Variants in RNF115 observed in about 807,000 individuals in gnomAD.
RNF115 encodes ring finger protein 115, also known as E3 ubiquitin-protein ligase RNF115.
Under a neutral mutation model 39.2 loss-of-function variants are expected in RNF115, and 31 were observed. The observed-to-expected ratio is 0.79, with a 90% CI of 0.59 to 1.07. RNF115 has a LOEUF of 1.07. Among genes scored for constraint, RNF115 ranks in the 50% least tolerant of loss-of-function variants. The pLI is 0.00. For missense variants in RNF115, 384 were observed against 381.7 expected, an observed-to-expected ratio of 1.01 and a Z score of -0.05; for synonymous variants, 124 against 131.0, an observed-to-expected ratio of 0.95 and a Z score of 0.37.
At chr1:145,753,159 A>T (rs1384679843) in intron 4 of RNF115, 110 bp from the exon 5 acceptor site, 1 of 695,750 alleles carries the variant, frequency 1.4e-6, no homozygotes, top group African/African-American at 1.8e-5. Context: ...ATGGCTTTTC[A>T]TTGGCTAGTA....
chr1:145,794,256 C>T (rs1352079422), intron 1 of RNF115, among the ~76,000 whole-genome samples: 1 of 152,112 alleles, frequency 6.6e-6, no homozygotes, highest in African/African-American at 2.4e-5. Flanking sequence ...CATTACCCAG[C>T]TTAAAATATT....
intron 1 of RNF115, among the ~76,000 whole-genome samples, chr1:145,816,839 G>A (rs1209287838): frequency 8.1e-6 from 1 of 124,128 alleles, no homozygotes; most frequent in Non-Finnish European, 1.8e-5. Context: ...CACAACCATA[G>A]CTCACTGTAA....
intron 1 of RNF115, among the ~76,000 whole-genome samples, chr1:145,812,861 T>C (rs3121364): frequency 0.77 from 110,118 of 143,106 alleles, 42,021 homozygotes; most frequent in Middle Eastern, 0.85. Context: ...GCTCAAGTTA[T>C]CCACCCACCT....
Position 145,771,946 on chromosome 1 carries a change from T to A in RNF115, c.220-27A>T, listed in dbSNP as rs371258564. 5.9e-5 allele frequency: 93 copies of A among 1,583,594 alleles called. No homozygotes were observed. The Middle Eastern group carries it at 1.6e-3, about 27-fold the overall frequency. On this transcript the variant is annotated intron_variant, in intron 3 of 8. Transcript: ENST00000582693. ...TAGTAAAGACCAGAAATAAGTCACA[T>A]GTTAGAAAAATCAATCAATAAACAC... is the stretch of plus-strand genomic sequence containing the variant.
In RNF115 at chr1:145,820,742, G is replaced by A. The variant is rs1158161572; in HGVS notation, c.102+3030C>T. ...AGAGCGAGACTCAGTCTCAAAAAAA[G>A]AAAAAGGGAATATACTGTATATTTG... On this transcript the variant is annotated intron_variant, in intron 1 of 8. Coordinates refer to ENST00000582693, the MANE Select transcript of RNF115 (RefSeq NM_014455.4). Among the ~76,000 whole-genome samples, 282 of 151,754 alleles carry A rather than the reference G, an allele frequency of 1.9e-3. 1 individual carries two copies. The highest frequency in any genetic ancestry group is 3.2e-3 in the Non-Finnish European group (218 of 67,766).
intron 1 of RNF115, among the ~76,000 whole-genome samples, chr1:145,803,066 ACTT>A (rs1308468739): frequency 1.3e-5 from 2 of 152,180 alleles, no homozygotes; most frequent in Admixed American, 1.3e-4. Context: ...GTCCTCACTG[ACTT>A]CTTTCTCTCA....
At chr1:145,764,908 C>T (rs974181745) in intron 4 of RNF115, among the ~76,000 whole-genome samples, 1 of 152,232 alleles carries the variant, frequency 6.6e-6, no homozygotes, top group Non-Finnish European at 1.5e-5. Flanking sequence ...GCCACCACCC[C>T]GTCTAGGAGG....
intron 4 of RNF115, among the ~76,000 whole-genome samples, chr1:145,759,229 C>T (rs1658412107): frequency 2.0e-5 from 3 of 152,166 alleles, no homozygotes; most frequent in Admixed American, 1.3e-4. Context: ...ACCACTTTAT[C>T]CAGCTTTATA....
At chr1:145,806,961 C>A (rs1353775536) in intron 1 of RNF115, among the ~76,000 whole-genome samples, 1 of 152,232 alleles carries the variant, frequency 6.6e-6, no homozygotes, top group Non-Finnish European at 1.5e-5. Context: ...CGCGCCACTG[C>A]GCCCAGCCGT....
intron 8 of RNF115, among the ~76,000 whole-genome samples, chr1:145,747,374 G>A (rs960291384): frequency 1.1e-4 from 16 of 152,148 alleles, no homozygotes; most frequent in Non-Finnish European, 2.1e-4. Context: ...AAAATTGGCC[G>A]AGTGCAGTGG....
chr1:145,783,335 C>A (rs964818072), intron 3 of RNF115, among the ~76,000 whole-genome samples: 31 of 152,116 alleles, frequency 2.0e-4, no homozygotes, highest in Admixed American at 2.0e-3. Context: ...AGAAAAACCA[C>A]CCTAAATAGA....
chr1:145,797,963 TTCAAG>T (rs1197954064), intron 1 of RNF115, among the ~76,000 whole-genome samples: 7 of 152,232 alleles, frequency 4.6e-5, no homozygotes, highest in African/African-American at 1.7e-4. Flanking sequence ...GAAATGACTA[TTCAAG>T]TCATTTGCCT....
intron 1 of RNF115, among the ~76,000 whole-genome samples, chr1:145,810,817 A>C (rs1383018794): frequency 6.9e-6 from 1 of 144,986 alleles, no homozygotes; most frequent in African/African-American, 2.6e-5. Context: ...CCTAGAACCT[A>C]ATTACATTCT....
At chr1:145,808,636 G>A (rs587692279) in intron 1 of RNF115, among the ~76,000 whole-genome samples, 1 of 152,168 alleles carries the variant, frequency 6.6e-6, no homozygotes, top group African/African-American at 2.4e-5. Flanking sequence ...TTATTAAACA[G>A]AAAGTAAATG....
At chr1:145,753,748 G>A (rs1261785794) in intron 4 of RNF115, among the ~76,000 whole-genome samples, 2 of 152,070 alleles carry the variant, frequency 1.3e-5, no homozygotes, top group African/African-American at 2.4e-5. Context: ...ACAGAGTCTC[G>A]CTCTGCCGCC....
rs900216243 is a variant in RNF115 at position 145,740,677 on chromosome 1, A to G, written c.*6189T>C. 2 of 152,138 alleles carry G rather than the reference A, an allele frequency of 1.3e-5. No homozygotes were observed. Among genetic ancestry groups the G allele is most frequent in the Non-Finnish European group, 2.9e-5 (2 of 68,036 alleles). The allele number at this position is 152,138 out of a possible 1,614,324, so 9.4% of individuals were successfully genotyped here. On this transcript the variant is annotated 3_prime_UTR_variant, in exon 9 of 9. Coordinates refer to ENST00000582693, the MANE Select transcript of RNF115 (RefSeq NM_014455.4). ...ATACCATAATCTTCAGCCTGAATAA[A>G]TATCTTTCAAATATTTGTATATATT...
At chr1:145,767,703 A>G (rs781875522) in intron 4 of RNF115, among the ~76,000 whole-genome samples, 45 of 152,130 alleles carry the variant, frequency 3.0e-4, no homozygotes, top group Non-Finnish European at 5.4e-4. Context: ...GAGTGAACGC[A>G]ACTCCGTCTG....
chr1:145,746,699 G>T lies in RNF115; in HGVS notation c.*167C>A. The stretch of plus-strand genomic sequence containing the variant: ...TTTGGTTGTAGATACAATTCCATCT[G>T]TAGATACTAACTTTAAATTTAAAGA... On this transcript the variant is annotated 3_prime_UTR_variant, in exon 9 of 9. Coordinates refer to ENST00000582693, the MANE Select transcript of RNF115 (RefSeq NM_014455.4). 1.5e-6 allele frequency: 1 copy of T among 654,272 alleles called. No homozygotes were observed. The highest frequency in any genetic ancestry group is 2.5e-6 in the Non-Finnish European group (1 of 394,642). 40.5% of individuals were successfully genotyped at this position (654,272 alleles called of 1,614,324 possible). A position where few individuals can be genotyped will look rare whatever the true frequency, so the allele number is the denominator to read the frequency against.
chr1:145,752,382 C>T (rs1658118554), intron 5 of RNF115, among the ~76,000 whole-genome samples: 1 of 152,180 alleles, frequency 6.6e-6, no homozygotes, highest in African/African-American at 2.4e-5. Context: ...CAGGGACCAT[C>T]TCATTCTCTA....
Sources: gnomAD v4.1 joint callset for allele counts (sites outside exome capture counted in the v4.1 genomes callset) on GRCh38, gnomAD v4.1.1 for gene constraint, MANE v1.5 for transcripts, NCBI Gene and HGNC (gene_info 2026-07-23, HGNC 2026-07-21) for gene names.